SMPX: variants seen among roughly 807,000 people sequenced by gnomAD.
SMPX encodes the protein small muscular protein.
Under a neutral mutation model 6.3 loss-of-function variants are expected in SMPX, and 2 were observed. The observed-to-expected ratio is 0.32, with a 90% CI of 0.13 to 0.99. SMPX has a LOEUF of 0.99. Ranked by LOEUF, SMPX falls within the 50% of genes least tolerant of loss-of-function variation. SMPX has a pLI of 0.49. For missense variants in SMPX, 60 were observed against 66.8 expected (o/e 0.90, Z 0.36); for synonymous variants, 32 against 24.7 (o/e 1.30, Z -0.88).
At chrX:21,713,967 T>G (rs765060939) in intron 4 of SMPX, among the ~76,000 whole-genome samples, 1 of 112,521 alleles carries the variant, frequency 8.9e-6, no homozygotes, top group African/African-American at 3.2e-5. Context: ...TGCACAAATC[T>G]TAAGTGAACT....
In SMPX at chrX:21,706,291, TAG is replaced by T. The variant is rs1266983586; in HGVS notation, c.*116_*117del. ...AAATGTACAAACAGGCCATTTCTGC[TAG>T]AGTCTCAGGCATTCAGGAGGTTCAC... is the stretch of plus-strand genomic sequence containing the variant. On this transcript the variant is annotated 3_prime_UTR_variant, in exon 5 of 5. Coordinates refer to ENST00000379494, the MANE Select transcript of SMPX (RefSeq NM_014332.3). 3 of 495,218 alleles carry T rather than the reference TAG, an allele frequency of 6.1e-6. No individual in the cohort carries two copies. Among genetic ancestry groups the T allele is most frequent in the Admixed American group, 5.4e-5 (2 of 37,143 alleles). 40.8% of individuals were successfully genotyped at this position (495,218 alleles called of 1,213,427 possible).
chrX:21,725,252 C>T (rs969608664), intron 4 of SMPX, among the ~76,000 whole-genome samples: 1 of 112,246 alleles, frequency 8.9e-6, no homozygotes, highest in African/African-American at 3.2e-5. Context: ...ACACCCAGGG[C>T]ACTTCTGGAC....
At chrX:21,719,269 C>G (rs944491730) in intron 4 of SMPX, among the ~76,000 whole-genome samples, 9 of 111,742 alleles carry the variant, frequency 8.1e-5, no homozygotes, top group Middle Eastern at 4.6e-3. Flanking sequence ...CCTGTAATCC[C>G]AGCACTTTGG....
chrX:21,712,417 A>C (rs1032558862), intron 4 of SMPX, among the ~76,000 whole-genome samples: 4 of 112,226 alleles, frequency 3.6e-5, no homozygotes, highest in Non-Finnish European at 5.6e-5. Flanking sequence ...CATAAGGAAA[A>C]GGCAAATTGC....
At chrX:21,722,418 C>A (rs963612844) in intron 4 of SMPX, among the ~76,000 whole-genome samples, 1 of 111,415 alleles carries the variant, frequency 9.0e-6, no homozygotes, top group African/African-American at 3.3e-5. Context: ...TTCATTATTC[C>A]CAGTCATTTC....
chrX:21,707,325 C>G (rs1436942527), intron 4 of SMPX, among the ~76,000 whole-genome samples: 4 of 111,827 alleles, frequency 3.6e-5, no homozygotes, highest in Non-Finnish European at 7.5e-5. Flanking sequence ...TTGAAGACCC[C>G]ATTTTCACTT....
At chrX:21,737,489 G>A in intron 4 of SMPX, 60 bp downstream of exon 4, 13 of 980,673 alleles carry the variant, frequency 1.3e-5, no homozygotes, top group South Asian at 1.9e-5. Context: ...TCTGTGGAAG[G>A]CTTCCTTAAA....
At chrX:21,751,562 A>C (rs2092827446) in intron 2 of SMPX, among the ~76,000 whole-genome samples, 1 of 112,308 alleles carries the variant, frequency 8.9e-6, no homozygotes, top group Non-Finnish European at 1.9e-5. Context: ...TCTCAAAGTC[A>C]TGCAGCTAGC....
chrX:21,736,653 AAATG>A lies in SMPX; in HGVS notation c.*14+892_*14+895del, dbSNP rs745850568. On this transcript the variant is annotated intron_variant, in intron 4 of 4. Transcript: ENST00000379494. ...CGATTGAATGAATGGGTGAGTGACC[AAATG>A]AATGAATGGACAATCAACCAGATAA... Among the ~76,000 whole-genome samples the A allele has an allele frequency of 1.2e-4, 13 of 112,333 alleles. No homozygotes were observed. The East Asian group carries it at 3.6e-3, about 31-fold the overall frequency.
intron 4 of SMPX, among the ~76,000 whole-genome samples, chrX:21,706,928 C>A (rs2092773598): frequency 9.1e-6 from 1 of 110,287 alleles, no homozygotes; most frequent in African/African-American, 3.3e-5. Context: ...GAGGCCTTCC[C>A]AGCCCTGCAG....
intron 4 of SMPX, among the ~76,000 whole-genome samples, chrX:21,715,320 G>A (rs191994428): frequency 2.8e-4 from 30 of 109,059 alleles, no homozygotes; most frequent in African/African-American, 7.9e-4. Flanking sequence ...ACGCGCGCGC[G>A]CTCGCGCGCT....
At chrX:21,752,803 C>A (rs926239468) in intron 2 of SMPX, among the ~76,000 whole-genome samples, 8 of 111,629 alleles carry the variant, frequency 7.2e-5, no homozygotes, top group Non-Finnish European at 1.3e-4. Flanking sequence ...AGGCATGAAC[C>A]ACCGCGCCCG....
At chrX:21,732,029 G>A (rs191242295) in intron 4 of SMPX, among the ~76,000 whole-genome samples, 18 of 110,487 alleles carry the variant, frequency 1.6e-4, no homozygotes, top group African/African-American at 5.6e-4. Flanking sequence ...GGGGTCTGTT[G>A]TTATGTACTA....
rs1355563574 is a variant in SMPX at position 21,731,476 on chromosome X, ACACATT to A, written c.*14+6067_*14+6072del. On this transcript the variant is annotated intron_variant, in intron 4 of 4. Transcript: ENST00000379494. ...ACATAATGTGTGTATGTGTACACAT[ACACATT>A]ATGTGTGTATGTGTACACATACACA... Among the ~76,000 whole-genome samples, 6 of 82,921 alleles carry A rather than the reference ACACATT, an allele frequency of 7.2e-5. No individual in the cohort carries two copies. In the South Asian group the frequency reaches 4.1e-3, roughly 56 times the overall value. 72.0% of individuals were successfully genotyped at this position (82,921 alleles called of 115,157 possible).
At chrX:21,724,352 CATGT>C (rs1016099520) in intron 4 of SMPX, among the ~76,000 whole-genome samples, 15 of 112,015 alleles carry the variant, frequency 1.3e-4, no homozygotes, top group African/African-American at 4.9e-4. Flanking sequence ...CATGTGTGTG[CATGT>C]ATGTGCATGT....
At chrX:21,756,194 T>A (rs1194425260) in intron 1 of SMPX, among the ~76,000 whole-genome samples, 1 of 112,542 alleles carries the variant, frequency 8.9e-6, no homozygotes, top group African/African-American at 3.2e-5. Flanking sequence ...GTTAAAAAAA[T>A]TATTGTACAT....
chrX:21,713,803 C>T (rs1375596330), intron 4 of SMPX, among the ~76,000 whole-genome samples: 1 of 112,146 alleles, frequency 8.9e-6, no homozygotes, highest in East Asian at 2.8e-4. Flanking sequence ...ACATTAACAA[C>T]TGATACACAG....
chrX:21,737,496 T>G (rs2092811639), intron 4 of SMPX, 53 bp downstream of exon 4: 1 of 1,075,772 alleles, frequency 9.3e-7, no homozygotes, highest in East Asian at 3.0e-5. Flanking sequence ...AAGGCTTCCT[T>G]AAACCATTTT....
rs917052039 is a variant in SMPX at position 21,733,127 on chromosome X, C to A, written c.*14+4422G>T. Among the ~76,000 whole-genome samples the A allele has an allele frequency of 4.5e-5, 5 of 111,984 alleles. No homozygotes were observed. The South Asian group carries it at 1.1e-3, about 25-fold the overall frequency. Reference sequence around the variant, plus strand: ...CCCCCAACAGGGCATTATAAAGATTCTTTTCAAATCTACAAAATCCAAAAT... The same window carrying A: ...CCCCCAACAGGGCATTATAAAGATTATTTTCAAATCTACAAAATCCAAAAT... On this transcript the variant is annotated intron_variant, in intron 4 of 4. Coordinates refer to ENST00000379494, the MANE Select transcript of SMPX (RefSeq NM_014332.3).
Sources: gnomAD v4.1 joint callset for allele counts (sites outside exome capture counted in the v4.1 genomes callset) on GRCh38, gnomAD v4.1.1 for gene constraint, MANE v1.5 for transcripts, NCBI Gene and HGNC (gene_info 2026-07-23, HGNC 2026-07-21) for gene names.